IMMT: variants seen among roughly 807,000 people sequenced by gnomAD.
The protein encoded by IMMT is MICOS complex subunit MIC60.
In IMMT, 40 loss-of-function variants were observed where a neutral mutation model predicts 92.7. The ratio of observed to expected loss-of-function variants is 0.43; its 90% CI spans 0.34 to 0.56. IMMT has a LOEUF of 0.56. IMMT is among the 20% of genes least tolerant of loss of function. IMMT has a pLI of 0.03. For synonymous variants in IMMT, 322 were observed against 336.1 expected, an observed-to-expected ratio of 0.96 and a Z score of 0.46; for missense variants, 831 against 912.1, an observed-to-expected ratio of 0.91 and a Z score of 1.14.
chr2:86,147,910 A>G (rs980543333), intron 12 of IMMT, 77 bp from the exon 13 acceptor site: 6 of 1,410,184 alleles, frequency 4.3e-6, no homozygotes, highest in Non-Finnish European at 3.9e-6. Context: ...GACCACTATC[A>G]ACCATGACAA....
chr2:86,181,281 G>C lies in IMMT; in HGVS notation c.119+18C>G, dbSNP rs1469354989. 6.3e-7 allele frequency: 1 copy of C among 1,595,780 alleles called. No homozygotes were observed. Among genetic ancestry groups the C allele is most frequent in the Non-Finnish European group, 8.6e-7 (1 of 1,163,524 alleles). On this transcript the variant is annotated intron_variant, in intron 2 of 14. Transcript: ENST00000410111. ...GCACACAGTGAAAAGCCTGGTTATAGGGAGACATAATACATACCCAGAGCT... is the reference window on the plus strand; with the variant it reads ...GCACACAGTGAAAAGCCTGGTTATACGGAGACATAATACATACCCAGAGCT...
chr2:86,158,191 T>C (rs551269079), intron 10 of IMMT, among the ~76,000 whole-genome samples: 1 of 152,340 alleles, frequency 6.6e-6, no homozygotes, highest in Admixed American at 6.5e-5. Context: ...AGACATAAAG[T>C]GTGCTTTAAA....
chr2:86,144,843 G>T lies in IMMT; in HGVS notation c.1702C>A (p.Gln568Lys). 6.2e-7 allele frequency: 1 copy of T among 1,608,048 alleles called. No homozygotes were observed. The highest frequency in any genetic ancestry group is 8.5e-7 in the Non-Finnish European group (1 of 1,177,498). Residue 568 changes from glutamine (Q) to lysine (K), a missense_variant, in exon 15 of 15, where the codon CAA becomes AAA. Gln to Lys is a moderately conservative substitution (Grantham distance 53, BLOSUM62 1). Coordinates refer to ENST00000410111, the MANE Select transcript of IMMT (RefSeq NM_006839.3). Reference sequence around the variant, plus strand: ...AATGCCTCCACTGAAAGCCAGAGTTGGTGGGCTTTTCTGGCTTCCTCTTCA... The same window carrying T: ...AATGCCTCCACTGAAAGCCAGAGTTTGTGGGCTTTTCTGGCTTCCTCTTCA... ...VAEEEARKAH[Q>K]LWLSVEALKY...
At chr2:86,150,875 C>G (rs1675414620) in intron 12 of IMMT, among the ~76,000 whole-genome samples, 1 of 151,852 alleles carries the variant, frequency 6.6e-6, no homozygotes, top group African/African-American at 2.4e-5. Context: ...TAAAGGTCAG[C>G]TGGCATGACT....
rs530774354 is a variant in IMMT at position 86,147,966 on chromosome 2, T to C, written c.1402-133A>G. 1.2e-4 allele frequency: 88 copies of C among 747,700 alleles called. No individual in the cohort carries two copies. In the African/African-American group the frequency reaches 1.4e-3, roughly 12 times the overall value. The allele number at this position is 747,700 out of a possible 1,614,324, so 46.3% of individuals were successfully genotyped here. ...ACGCCTCTAATGTGCCAGGCATGTG[T>C]ACACTTCTACTTCTCATGTGAAACG... On this transcript the variant is annotated intron_variant, in intron 12 of 14. Coordinates refer to ENST00000410111, the MANE Select transcript of IMMT (RefSeq NM_006839.3).
intron 3 of IMMT, among the ~76,000 whole-genome samples, chr2:86,179,018 A>G (rs1226146864): frequency 6.6e-6 from 1 of 152,192 alleles, no homozygotes; most frequent in Non-Finnish European, 1.5e-5. Flanking sequence ...GCGAGATCAT[A>G]CCACTATACT....
At chr2:86,155,334 C>T (rs1267493340) in intron 10 of IMMT, among the ~76,000 whole-genome samples, 4 of 151,610 alleles carry the variant, frequency 2.6e-5, no homozygotes, top group Non-Finnish European at 5.9e-5. Context: ...TCTCAAAAGG[C>T]CAAAAGGGAG....
chr2:86,185,586 C>T (rs914787006), intron 1 of IMMT, among the ~76,000 whole-genome samples: 3 of 152,078 alleles, frequency 2.0e-5, no homozygotes, highest in African/African-American at 4.8e-5. Flanking sequence ...CCTACAGCAG[C>T]CTCACAGGAA....
intron 7 of IMMT, among the ~76,000 whole-genome samples, chr2:86,164,949 GAAATT>G (rs1401802828): frequency 6.6e-6 from 1 of 152,118 alleles, no homozygotes; most frequent in East Asian, 1.9e-4. Context: ...GTATATATTA[GAAATT>G]ACATGTGCAC....
chr2:86,192,049 A>G (rs1673164551), intron 1 of IMMT, among the ~76,000 whole-genome samples: 1 of 152,192 alleles, frequency 6.6e-6, no homozygotes, highest in African/African-American at 2.4e-5. Context: ...CTGGAACAAC[A>G]TTGCGAGATC....
intron 6 of IMMT, among the ~76,000 whole-genome samples, chr2:86,167,484 GTTTTTTTTT>G (rs66768832): frequency 2.4e-5 from 3 of 123,224 alleles, no homozygotes; most frequent in East Asian, 3.1e-4. Context: ...TTTGTTTTTT[GTTTTTTTTT>G]TTTTTTTTGG....
intron 7 of IMMT, among the ~76,000 whole-genome samples, chr2:86,166,208 G>A (rs2105079757): frequency 6.6e-6 from 1 of 152,282 alleles, no homozygotes; most frequent in Non-Finnish European, 1.5e-5. Context: ...GCGGGAGCCT[G>A]TAATCCCAGC....
At position 86,195,400 on chromosome 2, in the gene IMMT, C is replaced by CGCTGCTGGTGGACTCGA. The variant is rs1354705039; in HGVS notation, c.-35_-19dup. On this transcript the variant is annotated 5_prime_UTR_variant, in exon 1 of 15. Transcript: ENST00000410111. The stretch of plus-strand genomic sequence containing the variant: ...CGCAGCATCTCGGTCAAGCGGACGG[C>CGCTGCTGGTGGACTCGA]GCTGCTGGTGGACTCGAGCTGCCGC... 1.3e-6 allele frequency: 2 copies of CGCTGCTGGTGGACTCGA among 1,546,824 alleles called. No homozygotes were observed. Among genetic ancestry groups the CGCTGCTGGTGGACTCGA allele is most frequent in the Middle Eastern group, 1.7e-4 (1 of 5,840 alleles).
chr2:86,154,390 CA>C (rs1302514373), intron 10 of IMMT, among the ~76,000 whole-genome samples: 3 of 151,964 alleles, frequency 2.0e-5, no homozygotes, highest in African/African-American at 4.8e-5. Flanking sequence ...AGGCTGGTCT[CA>C]AACTCCTGAC....
At chr2:86,169,697 T>A (rs1676956069) in intron 6 of IMMT, among the ~76,000 whole-genome samples, 1 of 148,868 alleles carries the variant, frequency 6.7e-6, no homozygotes, top group Non-Finnish European at 1.5e-5. Context: ...TTATCTTTTT[T>A]AAACCATCAA....
chr2:86,163,312 G>A (rs896115348), intron 7 of IMMT, among the ~76,000 whole-genome samples: 11 of 152,050 alleles, frequency 7.2e-5, no homozygotes, highest in Non-Finnish European at 1.5e-5. Flanking sequence ...GCAAGACCCT[G>A]TCTCAAAAAC....
chr2:86,187,048 C>G (rs963252593), intron 1 of IMMT, among the ~76,000 whole-genome samples: 10 of 151,940 alleles, frequency 6.6e-5, no homozygotes, highest in Admixed American at 3.9e-4. Context: ...GTGACAAAAT[C>G]CCCTTAACAT....
At chr2:86,147,949 A>T in intron 12 of IMMT, 116 bp from the exon 13 acceptor site, 1 of 930,288 alleles carries the variant, frequency 1.1e-6, no homozygotes, top group Non-Finnish European at 1.6e-6. Context: ...GAACGCCTCT[A>T]ATGTGCCAGG....
Position 86,191,829 on chromosome 2 carries a change from GGC to G in IMMT, c.45+3507_45+3508del, listed in dbSNP as rs1317570601. Among the ~76,000 whole-genome samples, 31 of 151,934 alleles carry G rather than the reference GGC, an allele frequency of 2.0e-4. No individual in the cohort carries two copies. In the South Asian group the frequency reaches 6.4e-3, roughly 32 times the overall value. On this transcript the variant is annotated intron_variant, in intron 1 of 14. Coordinates refer to ENST00000410111, the MANE Select transcript of IMMT (RefSeq NM_006839.3). ...ACTTGGGAGGCTGAGGCAGGAGAAT[GGC>G]ATGAACCCGGGAGGCGGAGCTTGCA...
Sources: allele counts gnomAD v4.1 joint callset (sites outside exome capture counted in the v4.1 genomes callset), GRCh38; gene constraint gnomAD v4.1.1; transcripts MANE v1.5; gene names NCBI Gene and HGNC (gene_info 2026-07-23, HGNC 2026-07-21).